The following VCL variants were observed in gnomAD, a reference collection of about 807,000 sequenced individuals.
VCL encodes vinculin.
VCL carries 47 observed loss-of-function variants against 125.7 expected under a neutral mutation model. The observed-to-expected ratio is 0.37, with a 90% CI of 0.30 to 0.48. The LOEUF is 0.48. Among genes scored for constraint, VCL ranks in the 20% least tolerant of loss-of-function variants. The pLI is 0.99. For missense variants in VCL, 1,069 were observed against 1,455.5 expected (o/e 0.73, Z 4.32); for synonymous variants, 458 against 514.6 (o/e 0.89, Z 1.49).
In VCL at chr10:74,118,664, C is replaced by T. The variant is rs879928881; in HGVS notation, c.*495C>T. ...CCATGTTGCTGCCAACCATACCTTC[C>T]TTCCCTGGGCTGTGCTACCTGGGTC... On this transcript the variant is annotated 3_prime_UTR_variant, in exon 22 of 22. Transcript: ENST00000211998. 1 of 228,426 alleles carries T rather than the reference C, an allele frequency of 4.4e-6. No individual in the cohort carries two copies. The highest frequency in any genetic ancestry group is 5.1e-5 in the Admixed American group (1 of 19,548). 14.1% of individuals were successfully genotyped at this position (228,426 alleles called of 1,614,324 possible).
chr10:73,999,223 A>G (rs1366106800), intron 1 of VCL, among the ~76,000 whole-genome samples: 2 of 152,238 alleles, frequency 1.3e-5, no homozygotes, highest in South Asian at 2.1e-4. Context: ...GCAGGAAGCA[A>G]GATGGAGCTG....
intron 19 of VCL, among the ~76,000 whole-genome samples, chr10:74,112,703 GGA>G (rs1840246455): frequency 6.6e-6 from 1 of 152,174 alleles, no homozygotes. Flanking sequence ...AGTGGGAAAT[GGA>G]GTACTCAAGG....
At chr10:74,106,199 G>C (rs1044252209) in intron 16 of VCL, among the ~76,000 whole-genome samples, 5 of 152,326 alleles carry the variant, frequency 3.3e-5, no homozygotes, top group Admixed American at 3.3e-4. Flanking sequence ...TGGGATTACA[G>C]GCATCCAGCC....
At position 74,082,448 on chromosome 10, in the gene VCL, C is replaced by T; in HGVS notation, c.784-6C>T. On this transcript the variant is annotated splice_region_variant and splice_polypyrimidine_tract_variant and intron_variant, in intron 6 of 21. Coordinates refer to ENST00000211998, the MANE Select transcript of VCL (RefSeq NM_014000.3). ...AGAAAATAATGGTGGGATTTCTTCCCAAAAGGACACTGAAGCCATGAAGAG... is the reference window on the plus strand; with the variant it reads ...AGAAAATAATGGTGGGATTTCTTCCTAAAAGGACACTGAAGCCATGAAGAG... The T allele has an allele frequency of 6.2e-7, 1 of 1,613,992 alleles. No homozygotes were observed. Among genetic ancestry groups the T allele is most frequent in the Non-Finnish European group, 8.5e-7 (1 of 1,179,988 alleles).
rs1402201354 is a variant in VCL at position 74,097,317 on chromosome 10, G to A, written c.1857G>A (p.Ala619=). Residue 619 remains alanine (A), a synonymous_variant, in exon 13 of 22, where the codon GCG becomes GCA. Coordinates refer to ENST00000211998, the MANE Select transcript of VCL (RefSeq NM_014000.3). This position sits in a 1 kb window ranked among gnomAD's most constrained non-coding sequence, Gnocchi z 4.1. ...LAVAATAPPD[A]PNREEVFDER... is the part of the protein sequence containing the mutation. The stretch of plus-strand genomic sequence containing the variant: ...TGGCAGCCACGGCGCCTCCTGATGC[G>A]CCTAACAGGGAAGAGGTGGGTATCT... The A allele has an allele frequency of 7.4e-6, 12 of 1,613,384 alleles. No individual in the cohort carries two copies. In the African/African-American group the frequency reaches 9.3e-5, roughly 13 times the overall value.
rs117983510 is a variant in VCL at position 74,097,822 on chromosome 10, G to A, written c.1872+490G>A. On this transcript the variant is annotated intron_variant, in intron 13 of 21. Coordinates refer to ENST00000211998, the MANE Select transcript of VCL (RefSeq NM_014000.3). This position sits in a 1 kb window ranked among gnomAD's most constrained non-coding sequence, Gnocchi z 4.1. ...ACTCAGACCCTTCCAATGACTCCCC[G>A]CTATCCCAGAGTAAAACCAGAGTGC... 2.7e-4 allele frequency among the ~76,000 whole-genome samples: 41 copies of A among 152,178 alleles called. No homozygotes were observed. Among genetic ancestry groups the A allele is most frequent in the Non-Finnish European group, 3.8e-4 (26 of 67,996 alleles).
At chr10:74,067,743 G>T (rs77427952) in intron 2 of VCL, among the ~76,000 whole-genome samples, 7 of 152,214 alleles carry the variant, frequency 4.6e-5, no homozygotes, top group African/African-American at 1.7e-4. Context: ...GGAGCCAGAC[G>T]TAGTGTATGA....
chr10:74,046,937 G>T (rs1367447595), intron 2 of VCL, among the ~76,000 whole-genome samples: 1 of 152,092 alleles, frequency 6.6e-6, no homozygotes, highest in Non-Finnish European at 1.5e-5. Context: ...CAAAAAATTT[G>T]GTCACTTTAA....
chr10:74,069,175 G>T (rs1043866578), intron 2 of VCL, among the ~76,000 whole-genome samples: 3 of 151,906 alleles, frequency 2.0e-5, no homozygotes, highest in Non-Finnish European at 2.9e-5. Flanking sequence ...GAGTAGCTGG[G>T]ATTACAGATG....
At chr10:74,009,861 G>A (rs1252959065) in intron 1 of VCL, among the ~76,000 whole-genome samples, 1 of 151,916 alleles carries the variant, frequency 6.6e-6, no homozygotes, top group Admixed American at 6.6e-5. Context: ...CACCCCCTCG[G>A]CCTCCCAAAG....
chr10:74,050,235 T>C (rs1841275400), intron 2 of VCL, among the ~76,000 whole-genome samples: 1 of 152,328 alleles, frequency 6.6e-6, no homozygotes, highest in East Asian at 1.9e-4. Context: ...AAACTTGGAT[T>C]GGTTCACCAG....
Position 74,103,904 on chromosome 10 carries a change from A to G in VCL, c.2107A>G (p.Ile703Val). 1 of 1,614,174 alleles carries G rather than the reference A, an allele frequency of 6.2e-7. No individual in the cohort carries two copies. Among genetic ancestry groups the G allele is most frequent in the East Asian group, 2.2e-5 (1 of 44,896 alleles). ...EHFETMKNQW[I>V]DNVEKMTGLV... Reference sequence around the variant, plus strand: ...TTTTGAGACCATGAAGAACCAGTGGATCGATAATGTTGAAAAAATGACAGG... The same window carrying G: ...TTTTGAGACCATGAAGAACCAGTGGGTCGATAATGTTGAAAAAATGACAGG... Residue 703 changes from isoleucine to valine, a missense_variant, in exon 15 of 22, where the codon ATC becomes GTC. By Grantham distance (29) the Ile-to-Val change is conservative. Around this residue, in one of 6 missense-constraint regions of VCL, gnomAD observed 760 missense variants for 928.9 expected, o/e 0.82. Transcript: ENST00000211998.
chr10:74,036,412 A>T lies in VCL; in HGVS notation c.169-6671A>T, dbSNP rs541911827. Among the ~76,000 whole-genome samples, 5 of 152,268 alleles carry T rather than the reference A, an allele frequency of 3.3e-5. No homozygotes were observed. The East Asian group carries it at 9.6e-4, about 29-fold the overall frequency. On this transcript the variant is annotated intron_variant, in intron 1 of 21. Coordinates refer to ENST00000211998, the MANE Select transcript of VCL (RefSeq NM_014000.3). ...GAGACAGGGTTTCACCATGTTGGCC[A>T]GTCTGGTCTCAAACTTCTGATCTCA...
At chr10:74,092,125 G>T (rs1414129860) in intron 10 of VCL, among the ~76,000 whole-genome samples, 7 of 151,964 alleles carry the variant, frequency 4.6e-5, no homozygotes, top group African/African-American at 1.7e-4. Flanking sequence ...GTCCAGGATG[G>T]TCTTGATCTC....
intron 2 of VCL, among the ~76,000 whole-genome samples, chr10:74,066,411 C>T (rs1433705691): frequency 2.0e-5 from 3 of 152,050 alleles, no homozygotes; most frequent in African/African-American, 4.8e-5. Flanking sequence ...CAGTTGTTAA[C>T]ATGATGGACT....
At chr10:74,037,304 G>A (rs7084014) in intron 1 of VCL, among the ~76,000 whole-genome samples, 4,933 of 152,276 alleles carry the variant, frequency 0.032, 274 homozygotes, top group African/African-American at 0.11. Context: ...ACAGGAAAAT[G>A]CATTTTCTGT....
intron 17 of VCL, 102 bp downstream of exon 17, chr10:74,107,456 C>CATTTA: frequency 6.3e-7 from 1 of 1,576,448 alleles, no homozygotes; most frequent in Non-Finnish European, 8.7e-7. Flanking sequence ...TAGGTGGCTT[C>CATTTA]GTTTAGCTTT....
chr10:74,046,034 A>G (rs1189179866), intron 2 of VCL, among the ~76,000 whole-genome samples: 1 of 152,066 alleles, frequency 6.6e-6, no homozygotes, highest in Non-Finnish European at 1.5e-5. Flanking sequence ...TTTCTACCTG[A>G]GTGGGTGCTT....
At chr10:74,109,699 GA>G (rs1817749846) in intron 18 of VCL, among the ~76,000 whole-genome samples, 1 of 151,824 alleles carries the variant, frequency 6.6e-6, no homozygotes, top group Non-Finnish European at 1.5e-5. Context: ...CAGCAAATCT[GA>G]AGGTGTAAAT....
Sources: gnomAD v4.1 joint callset for allele counts (sites outside exome capture counted in the v4.1 genomes callset) on GRCh38, gnomAD v4.1.1 for gene constraint, gnomAD v4.1.1 regional missense constraint, Gnocchi (gnomAD v3.1) non-coding constraint, MANE v1.5 for transcripts, NCBI Gene and HGNC (gene_info 2026-07-23, HGNC 2026-07-21) for gene names.